SZRD1: variants seen among roughly 807,000 people sequenced by gnomAD.
The protein encoded by SZRD1 is SUZ RNA binding domain containing 1, also known as SUZ RNA-binding domain-containing.
SZRD1 carries 7 observed loss-of-function variants against 17.6 expected under a neutral mutation model. That is an observed-to-expected ratio of 0.40 (90% CI 0.23 to 0.75). The LOEUF (loss-of-function observed/expected upper bound fraction) is 0.75, where lower values mean the gene tolerates loss of function less well. SZRD1 is among the 30% of genes least tolerant of loss of function. The pLI, the probability that SZRD1 is intolerant of heterozygous loss-of-function variation, is 0.38. For synonymous variants in SZRD1, 77 were observed against 77.9 expected (o/e 0.99, Z 0.06); for missense variants, 178 against 201.8 (o/e 0.88, Z 0.71).
chr1:16,387,298 A>C (rs1296776957), intron 1 of SZRD1: 2 of 456,412 alleles, frequency 4.4e-6, no homozygotes, highest in South Asian at 3.1e-5. Context: ...ATCTTCCTTA[A>C]ACCCTAGAGG....
intron 1 of SZRD1, chr1:16,390,707 T>C (rs1557630937): frequency 6.6e-6 from 1 of 152,108 alleles, no homozygotes; most frequent in African/African-American, 2.4e-5. Flanking sequence ...CATAAAGGAA[T>C]GTAAAAGGGA....
At chr1:16,369,654 TG>T in intron 1 of SZRD1, 1 of 527,564 alleles carries the variant, frequency 1.9e-6, no homozygotes, top group Non-Finnish European at 3.4e-6. Flanking sequence ...TGTGGGAGGC[TG>T]AGGTGGGTGG....
In SZRD1 at chr1:16,380,422, C is replaced by A. The variant is rs1290568100; in HGVS notation, c.52-10953C>A. Among the ~76,000 whole-genome samples the A allele has an allele frequency of 2.0e-5, 3 of 152,084 alleles. No homozygotes were observed. The South Asian group carries it at 6.2e-4, about 31-fold the overall frequency. ...GGTTCAAGCAATCCTCCTGCCTCAG[C>A]CTCCCAAGCAGCTGGAATTACAAGC... On this transcript the variant is annotated intron_variant, in intron 1 of 3. Coordinates refer to ENST00000401088, the MANE Select transcript of SZRD1 (RefSeq NM_001114600.3).
intron 1 of SZRD1, among the ~76,000 whole-genome samples, chr1:16,388,804 C>T (rs1322021891): frequency 6.7e-6 from 1 of 149,758 alleles, no homozygotes; most frequent in African/African-American, 2.5e-5. Context: ...CGCACCACCA[C>T]GCCTGGATAA....
At chr1:16,378,801 A>G (rs2100712465) in intron 1 of SZRD1, among the ~76,000 whole-genome samples, 1 of 151,496 alleles carries the variant, frequency 6.6e-6, no homozygotes, top group African/African-American at 2.4e-5. Context: ...GTCTCGGCTC[A>G]TTACAACCTC....
At chr1:16,368,620 G>A (rs74055532) in intron 1 of SZRD1, among the ~76,000 whole-genome samples, 3,050 of 152,258 alleles carry the variant, frequency 0.02, 104 homozygotes, top group African/African-American at 0.069. Context: ...TTTATAGGGA[G>A]TAACAGGTGT....
At chr1:16,387,670 T>C (rs1328248295) in intron 1 of SZRD1, 2 of 456,620 alleles carry the variant, frequency 4.4e-6, no homozygotes, top group African/African-American at 4.0e-5. Flanking sequence ...TTCTAAATTC[T>C]ACAGCTGTCA....
chr1:16,371,651 TG>T (rs1312427439), intron 1 of SZRD1, among the ~76,000 whole-genome samples: 1 of 150,760 alleles, frequency 6.6e-6, no homozygotes, highest in Non-Finnish European at 1.5e-5. Context: ...TTAGTAGAGA[TG>T]GGGTTTCACT....
chr1:16,381,498 A>G (rs1395652787), intron 1 of SZRD1, among the ~76,000 whole-genome samples: 3 of 150,592 alleles, frequency 2.0e-5, no homozygotes, highest in Non-Finnish European at 2.9e-5. Context: ...TGGAGGTTGC[A>G]GTGAGCTGAG....
intron 1 of SZRD1, among the ~76,000 whole-genome samples, chr1:16,371,437 T>A (rs1444470966): frequency 7.4e-6 from 1 of 134,390 alleles, no homozygotes; most frequent in Non-Finnish European, 1.6e-5. Flanking sequence ...CCCTCTCCCT[T>A]CCTTTTTTTT....
Position 16,395,152 on chromosome 1 carries a change from A to T in SZRD1, c.*12A>T. ...AACAGCGCAGATAAATGCAGGCAAG[A>T]AAAGATGCCGCCGTTGCTGCCGTCA... On this transcript the variant is annotated 3_prime_UTR_variant, in exon 4 of 4. Transcript: ENST00000401088. The T allele has an allele frequency of 1.9e-6, 3 of 1,595,178 alleles. No individual in the cohort carries two copies. Among genetic ancestry groups the T allele is most frequent in the Non-Finnish European group, 2.6e-6 (3 of 1,162,770 alleles).
intron 1 of SZRD1, chr1:16,387,773 A>G: frequency 2.2e-6 from 1 of 447,294 alleles, no homozygotes; most frequent in Non-Finnish European, 4.5e-6. Flanking sequence ...ACAAGAAGTT[A>G]CTTGTGAGAA....
At chr1:16,376,976 A>G (rs1194935380) in intron 1 of SZRD1, among the ~76,000 whole-genome samples, 3 of 152,118 alleles carry the variant, frequency 2.0e-5, no homozygotes, top group Admixed American at 6.6e-5. Flanking sequence ...CCTAGCCGGC[A>G]GGATTTTTAA....
chr1:16,393,462 G>A lies in SZRD1; in HGVS notation c.336G>A (p.Gln112=), dbSNP rs1195567548. The change falls in exon 3 of 4, where the codon CAG becomes CAA. Residue 112 remains glutamine (Q), a synonymous_variant. Transcript: ENST00000401088. The surrounding 1 kb of genome is among the most constrained non-coding windows in gnomAD (Gnocchi z 5.6). ...GCAGCGCCAGCCCCGAGGAGGAGCA[G>A]GAGAAACCCATCCTCGACAGGTGAG... ...ILGSASPEEE[Q]EKPILDRPTR... is the part of the protein sequence containing the mutation. The A allele has an allele frequency of 6.2e-7, 1 of 1,612,912 alleles. No homozygotes were observed. Among genetic ancestry groups the A allele is most frequent in the Non-Finnish European group, 8.5e-7 (1 of 1,179,634 alleles).
chr1:16,369,306 C>T, intron 1 of SZRD1: 1 of 690,006 alleles, frequency 1.4e-6, no homozygotes. Context: ...AGAAAGGCAC[C>T]TCGGATGTCA....
rs138789883 is a variant in SZRD1 at position 16,383,135 on chromosome 1, T to C, written c.52-8240T>C. On this transcript the variant is annotated intron_variant, in intron 1 of 3. Transcript: ENST00000401088. ...CCCACCTCGGCCTCCCAAAGACACA[T>C]GGGTAATTTTATATTTTCTTTTTCT... 2.1e-3 allele frequency among the ~76,000 whole-genome samples: 313 copies of C among 152,102 alleles called. 1 individual carries two copies. The highest frequency in any genetic ancestry group is 7.2e-3 in the African/African-American group (299 of 41,514).
chr1:16,374,953 C>G (rs1477891161), intron 1 of SZRD1, among the ~76,000 whole-genome samples: 3 of 152,158 alleles, frequency 2.0e-5, no homozygotes, highest in Non-Finnish European at 2.9e-5. Context: ...TCTCAGCTCG[C>G]TGCAACCTCT....
At chr1:16,369,899 C>CAAAAAAAAAAAAAAAAAA (rs767599484) in intron 1 of SZRD1, among the ~76,000 whole-genome samples, 1 of 136,252 alleles carries the variant, frequency 7.3e-6, no homozygotes, top group Non-Finnish European at 1.6e-5. Context: ...AAAAAAAAAA[C>CAAAAAAAAAAAAAAAAAA]AAAAAAAAAA....
At chr1:16,388,678 CTTT>C (rs950662267) in intron 1 of SZRD1, among the ~76,000 whole-genome samples, 2 of 92,200 alleles carry the variant, frequency 2.2e-5, no homozygotes, top group Middle Eastern at 8.5e-3. Context: ...AAGAATAAGT[CTTT>C]TTTTTTTTTT....
Sources: allele counts gnomAD v4.1 joint callset (sites outside exome capture counted in the v4.1 genomes callset), GRCh38; gene constraint gnomAD v4.1.1; non-coding constraint Gnocchi (gnomAD v3.1); transcripts MANE v1.5; gene names NCBI Gene and HGNC (gene_info 2026-07-23, HGNC 2026-07-21).